Variants in AFF3 observed in about 807,000 individuals in gnomAD.
The protein encoded by AFF3 is AF4/FMR2 family member 3.
AFF3 carries 32 observed loss-of-function variants against 129.7 expected under a neutral mutation model. The observed-to-expected ratio is 0.25, with a 90% CI of 0.19 to 0.33. AFF3 has a LOEUF of 0.33. AFF3 is among the 10% of genes least tolerant of loss of function. The probability of loss-of-function intolerance (pLI) is 1.00; values close to 1 mark genes in which losing one functional copy is unlikely to be tolerated. For missense variants in AFF3, 1,373 were observed against 1,592.0 expected (o/e 0.86, Z 2.34); for synonymous variants, 644 against 635.4 (o/e 1.01, Z -0.20).
chr2:100,004,637 G>A (rs952622494), intron 7 of AFF3, among the ~76,000 whole-genome samples: 4 of 152,040 alleles, frequency 2.6e-5, no homozygotes, highest in African/African-American at 7.2e-5. Context: ...ATGCACCTGC[G>A]AAAGAGTATG....
chr2:100,105,701 T>C, intron 2 of AFF3, 118 bp from the exon 3 acceptor site: 1 of 1,357,858 alleles, frequency 7.4e-7, no homozygotes, highest in South Asian at 1.2e-5. Context: ...AGCGCATGTC[T>C]CCATCAGGGC....
chr2:100,032,729 T>C (rs998997619), intron 4 of AFF3, among the ~76,000 whole-genome samples: 1 of 152,210 alleles, frequency 6.6e-6, no homozygotes, highest in Non-Finnish European at 1.5e-5. Context: ...AAAAGTTATG[T>C]CTTCATATAT....
intron 19 of AFF3, among the ~76,000 whole-genome samples, chr2:99,567,121 C>A (rs1305956159): frequency 6.7e-6 from 1 of 148,516 alleles, no homozygotes; most frequent in African/African-American, 2.5e-5. Context: ...GTGTGCACCA[C>A]CACACCTGGC....
intron 11 of AFF3, among the ~76,000 whole-genome samples, chr2:99,725,228 C>A (rs1407042275): frequency 2.0e-5 from 3 of 152,190 alleles, no homozygotes; most frequent in Non-Finnish European, 2.9e-5. Context: ...CCCCCTTGGC[C>A]TCCCAAAGTG....
rs1689926424 is a variant in AFF3 at position 100,092,329 on chromosome 2, C to T, written c.53+12073G>A. 2.0e-5 allele frequency among the ~76,000 whole-genome samples: 3 copies of T among 151,992 alleles called. No individual in the cohort carries two copies. In the South Asian group the frequency reaches 6.3e-4, roughly 32 times the overall value. On this transcript the variant is annotated intron_variant, in intron 4 of 24. Coordinates refer to ENST00000672756, the MANE Select transcript of AFF3 (RefSeq NM_001386135.1). ...TGTCTGTGTCATGCCCCCAACAGCT[C>T]TCTACTCCCTCTCCTCCTCTCCATC...
chr2:99,753,928 G>T (rs991529180), intron 8 of AFF3, among the ~76,000 whole-genome samples: 1 of 152,158 alleles, frequency 6.6e-6, no homozygotes. Context: ...CTTTGAGGAG[G>T]CTGATAAGCA....
chr2:99,713,701 T>C (rs1017817389), intron 11 of AFF3, among the ~76,000 whole-genome samples: 9 of 151,446 alleles, frequency 5.9e-5, no homozygotes, highest in African/African-American at 2.2e-4. Flanking sequence ...ATAGACTCCC[T>C]ATTTTTTTTT....
At chr2:100,141,760 G>C (rs557123564) in intron 1 of AFF3, among the ~76,000 whole-genome samples, 12 of 152,214 alleles carry the variant, frequency 7.9e-5, no homozygotes, top group African/African-American at 2.6e-4. Context: ...TGGTCACTGT[G>C]TATATTGCAT....
At chr2:99,835,829 T>C (rs1688832537) in intron 8 of AFF3, among the ~76,000 whole-genome samples, 2 of 152,074 alleles carry the variant, frequency 1.3e-5, no homozygotes, top group Non-Finnish European at 2.9e-5. Flanking sequence ...CGTTCTCTCT[T>C]TGTTTCAGGC....
intron 12 of AFF3, among the ~76,000 whole-genome samples, chr2:99,663,743 G>A (rs1485983350): frequency 1.3e-5 from 2 of 152,180 alleles, no homozygotes; most frequent in Admixed American, 6.5e-5. Context: ...TTTGGATAAC[G>A]TAATTACTGG....
intron 8 of AFF3, among the ~76,000 whole-genome samples, chr2:99,822,858 A>C (rs1366435404): frequency 1.3e-5 from 2 of 152,168 alleles, no homozygotes; most frequent in African/African-American, 4.8e-5. Flanking sequence ...GTGTGCGTGA[A>C]GGGGCTCCTG....
chr2:99,805,530 A>G (rs1686268664), intron 8 of AFF3, among the ~76,000 whole-genome samples: 2 of 152,076 alleles, frequency 1.3e-5, no homozygotes, highest in Admixed American at 6.6e-5. Flanking sequence ...CTAATAATAA[A>G]TCATTACAAT....
chr2:99,886,913 C>A (rs1187046846), intron 7 of AFF3, among the ~76,000 whole-genome samples: 1 of 146,756 alleles, frequency 6.8e-6, no homozygotes, highest in African/African-American at 2.5e-5. Flanking sequence ...AATGCATTGA[C>A]TTCAACTCAT....
chr2:99,638,203 G>A (rs2105465050), intron 13 of AFF3, among the ~76,000 whole-genome samples: 1 of 152,088 alleles, frequency 6.6e-6, no homozygotes, highest in Admixed American at 6.5e-5. Flanking sequence ...CCTCCTGCAG[G>A]TGCACACCAC....
At chr2:100,038,754 G>A (rs796242362) in intron 4 of AFF3, among the ~76,000 whole-genome samples, 23 of 148,110 alleles carry the variant, frequency 1.6e-4, no homozygotes, top group African/African-American at 2.5e-4. Context: ...ACAGAGCCTC[G>A]CTCTTGTTGC....
At position 99,672,571 on chromosome 2, in the gene AFF3, A is replaced by C; in HGVS notation, c.1110T>G (p.Leu370=). The C allele has an allele frequency of 6.2e-7, 1 of 1,614,182 alleles. No homozygotes were observed. Among genetic ancestry groups the C allele is most frequent in the Non-Finnish European group, 8.5e-7 (1 of 1,180,012 alleles). The change falls in exon 12 of 25, where the codon CTT becomes CTG. Residue 370 remains leucine (L), a synonymous_variant. Transcript: ENST00000672756. ...TSNTSMLEDD[L]KLSSDEEENE... ...TCTCCTCTTCATCACTGCTTAGCTT[A>C]AGGTCATCTTCCAGCATTCTGAAAG...
chr2:99,918,640 G>T (rs1486427337), intron 7 of AFF3, among the ~76,000 whole-genome samples: 1 of 152,128 alleles, frequency 6.6e-6, no homozygotes, highest in Non-Finnish European at 1.5e-5. Context: ...ACGCAAATAG[G>T]TATTCAATGA....
chr2:99,995,283 A>G (rs1680733569), intron 7 of AFF3, among the ~76,000 whole-genome samples: 1 of 152,238 alleles, frequency 6.6e-6, no homozygotes, highest in Admixed American at 6.5e-5. Flanking sequence ...TGGACTAATA[A>G]GTCAATTATG....
At chr2:99,692,431 A>G (rs1675763410) in intron 11 of AFF3, among the ~76,000 whole-genome samples, 1 of 152,116 alleles carries the variant, frequency 6.6e-6, no homozygotes, top group Non-Finnish European at 1.5e-5. Context: ...GTCACAGCAT[A>G]TGGGGGCAGG....
Sources: gnomAD v4.1 joint callset for allele counts (sites outside exome capture counted in the v4.1 genomes callset) on GRCh38, gnomAD v4.1.1 for gene constraint, MANE v1.5 for transcripts, NCBI Gene and HGNC (gene_info 2026-07-23, HGNC 2026-07-21) for gene names.